The following TULP4 variants were observed in gnomAD, a reference collection of about 807,000 sequenced individuals.
TULP4 encodes the protein tubby-related protein 4.
In TULP4, 16 loss-of-function variants were observed where a neutral mutation model predicts 129.0. That is an observed-to-expected ratio of 0.12 (90% confidence interval 0.08 to 0.19). TULP4 has a LOEUF of 0.19. Among genes scored for constraint, TULP4 ranks in the 10% least tolerant of loss-of-function variants. The pLI is 1.00. For synonymous variants in TULP4, 998 were observed against 854.0 expected (o/e 1.17, Z -2.94); for missense variants, 1,842 against 2,059.1 (o/e 0.89, Z 2.04).
Position 158,483,646 on chromosome 6 carries a change from A to G in TULP4, c.1486+2357A>G, listed in dbSNP as rs145552812. ...CTTATCATTAAAAGCTGATTAACTC[A>G]TTGAGGCCGCCATATCATTGTTTCT... is the stretch of plus-strand genomic sequence containing the variant. On this transcript the variant is annotated intron_variant, in intron 8 of 13. Coordinates refer to ENST00000367097, the MANE Select transcript of TULP4 (RefSeq NM_020245.5). 6.8e-4 allele frequency among the ~76,000 whole-genome samples: 104 copies of G among 152,264 alleles called. 1 individual carries two copies. The highest frequency in any genetic ancestry group is 2.2e-3 in the African/African-American group (93 of 41,544).
At chr6:158,431,109 A>T (rs904190124) in intron 3 of TULP4, among the ~76,000 whole-genome samples, 1 of 151,858 alleles carries the variant, frequency 6.6e-6, no homozygotes, top group African/African-American at 2.4e-5. Flanking sequence ...ATCCCCTAGT[A>T]TTTGTGTGTA....
At chr6:158,323,323 A>G (rs887365475) in intron 1 of TULP4, among the ~76,000 whole-genome samples, 5 of 152,174 alleles carry the variant, frequency 3.3e-5, no homozygotes, top group Admixed American at 1.3e-4. Flanking sequence ...TGCCTTAATA[A>G]TTTGACTTAT....
chr6:158,408,824 A>G (rs187001004), intron 1 of TULP4, among the ~76,000 whole-genome samples: 1 of 152,380 alleles, frequency 6.6e-6, no homozygotes, highest in East Asian at 1.9e-4. Flanking sequence ...ACATGTGTCT[A>G]CAATTAAATT....
At chr6:158,360,109 C>T (rs1376791377) in intron 1 of TULP4, among the ~76,000 whole-genome samples, 1 of 150,006 alleles carries the variant, frequency 6.7e-6, no homozygotes, top group Non-Finnish European at 1.5e-5. Flanking sequence ...AAAAAAAAAA[C>T]CAAACAAACA....
chr6:158,267,631 G>T (rs183281289), intron 1 of TULP4, among the ~76,000 whole-genome samples: 1 of 152,324 alleles, frequency 6.6e-6, no homozygotes, highest in East Asian at 1.9e-4. Context: ...TCACTGCTTT[G>T]TCAGGACAAT....
chr6:158,458,180 G>A (rs1779337129), intron 5 of TULP4, among the ~76,000 whole-genome samples: 1 of 152,082 alleles, frequency 6.6e-6, no homozygotes, highest in Non-Finnish European at 1.5e-5. Flanking sequence ...TTAAAATTTA[G>A]CTGCCTCTTT....
intron 5 of TULP4, 140 bp from the exon 6 acceptor site, chr6:158,461,423 A>AAGG (rs1554293674): frequency 2.5e-6 from 2 of 801,476 alleles, no homozygotes; most frequent in East Asian, 2.9e-5. Flanking sequence ...AAAAAAAAAA[A>AAGG]AAAGGAAAAA....
At chr6:158,272,962 G>A (rs1414892570) in intron 1 of TULP4, among the ~76,000 whole-genome samples, 2 of 152,176 alleles carry the variant, frequency 1.3e-5, no homozygotes, top group African/African-American at 4.8e-5. Context: ...TCATGACCTG[G>A]CTTTGGGAAT....
At chr6:158,494,954 A>T (rs2128258451) in intron 11 of TULP4, 108 bp downstream of exon 11, 1 of 826,486 alleles carries the variant, frequency 1.2e-6, no homozygotes, top group African/African-American at 1.7e-5. Context: ...AGACAGCAAA[A>T]GATTAGCATG....
At chr6:158,269,749 G>T (rs186199947) in intron 1 of TULP4, among the ~76,000 whole-genome samples, 1 of 152,278 alleles carries the variant, frequency 6.6e-6, no homozygotes, top group Admixed American at 6.5e-5. Context: ...TTTACTATGT[G>T]GGCAGGTAAT....
rs577159272 is a variant in TULP4, at chr6:158,238,433, A to T, written n.68+6130A>T. ...TTAAATTGTTTTTTTTTTTTTTTTT[A>T]AATTTATTTTTTTATTGATAATTCT... On this transcript the variant is annotated intron_variant and non_coding_transcript_variant, in intron 1 of 1. Transcript: ENST00000620026. The T allele has an allele frequency of 3.7e-3, 1,482 of 403,022 alleles. 13 individuals carry two copies. The highest frequency in any genetic ancestry group is 0.018 in the African/African-American group (699 of 38,554). 25.0% of individuals were successfully genotyped at this position (403,022 alleles called of 1,614,324 possible). A position where few individuals can be genotyped will look rare whatever the true frequency, so the allele number is the denominator to read the frequency against.
At chr6:158,356,140 T>G (rs1188458639) in intron 1 of TULP4, among the ~76,000 whole-genome samples, 2 of 152,204 alleles carry the variant, frequency 1.3e-5, no homozygotes, top group Non-Finnish European at 2.9e-5. Context: ...AAAATTCAAT[T>G]TAGGTCTGGG....
At chr6:158,281,253 G>T (rs900613611), upstream of TULP4, among the ~76,000 whole-genome samples, 1 of 145,566 alleles carries the variant, frequency 6.9e-6, no homozygotes, top group African/African-American at 2.6e-5. Flanking sequence ...TGCTCTTGTT[G>T]CCCAGGCTGG....
At position 158,385,842 on chromosome 6, in the gene TULP4, C is replaced by CTTTTTTTTTTT. The variant is rs778595442; in HGVS notation, c.253-27213_253-27203dup. 4.5e-3 allele frequency among the ~76,000 whole-genome samples: 267 copies of CTTTTTTTTTTT among 59,568 alleles called. 55 individuals carry two copies. The highest frequency in any genetic ancestry group is 5.4e-3 in the Non-Finnish European group (177 of 32,826). The allele number at this position is 59,568 out of a possible 152,430, so 39.1% of individuals were successfully genotyped here. A position where few individuals can be genotyped will look rare whatever the true frequency, so the allele number is the denominator to read the frequency against. On this transcript the variant is annotated intron_variant, in intron 1 of 13. Coordinates refer to ENST00000367097, the MANE Select transcript of TULP4 (RefSeq NM_020245.5). ...GGAAAAGTCTACAAATGTGGAATAT[C>CTTTTTTTTTTT]TTTTTTTTTTTTTTTTTTTTGAGAA...
intron 11 of TULP4, 115 bp from the exon 12 acceptor site, chr6:158,498,554 T>C: frequency 7.6e-7 from 1 of 1,324,166 alleles, no homozygotes. Flanking sequence ...CCTACACAGA[T>C]CTGTCTTCTG....
At chr6:158,325,814 T>TAA (rs1779733089) in intron 1 of TULP4, among the ~76,000 whole-genome samples, 1 of 152,234 alleles carries the variant, frequency 6.6e-6, no homozygotes, top group Non-Finnish European at 1.5e-5. Context: ...TAGTGTGAGT[T>TAA]AATTTTTTAT....
chr6:158,354,255 C>T (rs866273666), intron 1 of TULP4, among the ~76,000 whole-genome samples: 1 of 152,040 alleles, frequency 6.6e-6, no homozygotes, highest in Non-Finnish European at 1.5e-5. Context: ...AAGGAGTGAA[C>T]TAATAAGGAT....
intron 1 of TULP4, among the ~76,000 whole-genome samples, chr6:158,381,203 G>GT (rs1777317842): frequency 6.6e-6 from 1 of 150,514 alleles, no homozygotes; most frequent in Admixed American, 6.6e-5. Flanking sequence ...TCTCAAAGTA[G>GT]TGTTTCTTTG....
intron 1 of TULP4, among the ~76,000 whole-genome samples, chr6:158,254,147 T>C (rs1399495963): frequency 6.6e-6 from 1 of 152,118 alleles, no homozygotes; most frequent in African/African-American, 2.4e-5. Flanking sequence ...AACCAAGTCA[T>C]TAGTAAATCA....
Sources: allele counts gnomAD v4.1 joint callset (sites outside exome capture counted in the v4.1 genomes callset), GRCh38; gene constraint gnomAD v4.1.1; transcripts MANE v1.5; gene names NCBI Gene and HGNC (gene_info 2026-07-23, HGNC 2026-07-21).